The following FRAS1 variants were observed in gnomAD, a reference collection of about 807,000 sequenced individuals.
The protein encoded by FRAS1 is extracellular matrix organizing protein FRAS1.
In FRAS1, 290 loss-of-function variants were observed where a neutral mutation model predicts 435.2. That is an observed-to-expected ratio of 0.67 (90% CI 0.61 to 0.73). The LOEUF is 0.73. FRAS1 is among the 30% of genes least tolerant of loss of function. The pLI is 0.00. For missense variants in FRAS1, 4,860 were observed against 5,001.5 expected, an observed-to-expected ratio of 0.97 and a Z score of 0.85; for synonymous variants, 1,800 against 1,851.0, an observed-to-expected ratio of 0.97 and a Z score of 0.71.
intron 35 of FRAS1, among the ~76,000 whole-genome samples, chr4:78,427,408 A>G (rs1279728503): frequency 1.3e-5 from 2 of 152,204 alleles, no homozygotes; most frequent in African/African-American, 4.8e-5. Context: ...GTTTTCTGTT[A>G]TAAGCAACAA....
intron 2 of FRAS1, among the ~76,000 whole-genome samples, chr4:78,082,852 T>C (rs1032643383): frequency 1.3e-5 from 2 of 152,158 alleles, no homozygotes; most frequent in African/African-American, 4.8e-5. Flanking sequence ...GCCATCTGAT[T>C]TGCAGAAGTA....
At chr4:78,372,949 C>T in intron 24 of FRAS1, 91 bp downstream of exon 24, 1 of 1,393,848 alleles carries the variant, frequency 7.2e-7, no homozygotes, top group Non-Finnish European at 9.6e-7. Flanking sequence ...GGCAAGTTTC[C>T]CCTTCTGGCT....
chr4:78,255,478 A>G, intron 6 of FRAS1, 103 bp downstream of exon 6: 1 of 1,208,440 alleles, frequency 8.3e-7, no homozygotes, highest in Non-Finnish European at 1.1e-6. Context: ...TAGAAACAAG[A>G]AGCAAAGCCC....
chr4:78,206,806 C>T (rs759003651), intron 2 of FRAS1, among the ~76,000 whole-genome samples: 25 of 152,302 alleles, frequency 1.6e-4, no homozygotes, highest in South Asian at 1.5e-3. Context: ...GTCTTGGCCT[C>T]CTGACTTCCA....
At chr4:78,468,588 CTT>C (rs1004136953) in intron 50 of FRAS1, among the ~76,000 whole-genome samples, 1 of 152,312 alleles carries the variant, frequency 6.6e-6, no homozygotes, top group African/African-American at 2.4e-5. Context: ...TCAAGCTTTA[CTT>C]CCTAAAGGAA....
At chr4:78,450,389 C>G (rs1211269487) in intron 45 of FRAS1, 50 bp downstream of exon 45, 2 of 1,441,490 alleles carry the variant, frequency 1.4e-6, no homozygotes, top group Admixed American at 3.3e-5. Flanking sequence ...TGCACCTACA[C>G]TAGTAAAATG....
At chr4:78,463,619 A>T (rs1578339403) in intron 47 of FRAS1, among the ~76,000 whole-genome samples, 1 of 152,242 alleles carries the variant, frequency 6.6e-6, no homozygotes, top group East Asian at 1.9e-4. Flanking sequence ...CCATTATGCA[A>T]TATTTAAAAT....
chr4:78,174,987 AGTAAT>A (rs1162337048), intron 2 of FRAS1, among the ~76,000 whole-genome samples: 1 of 152,228 alleles, frequency 6.6e-6, no homozygotes, highest in African/African-American at 2.4e-5. Context: ...TACTGTATTC[AGTAAT>A]GTGCTGTGAA....
intron 35 of FRAS1, among the ~76,000 whole-genome samples, chr4:78,427,851 C>T (rs950328276): frequency 2.6e-5 from 4 of 152,224 alleles, no homozygotes; most frequent in South Asian, 2.1e-4. Context: ...CATTACTACA[C>T]GTCGCTGAGC....
chr4:78,369,733 G>T, intron 22 of FRAS1, 105 bp from the exon 23 acceptor site: 1 of 977,818 alleles, frequency 1.0e-6, no homozygotes. Context: ...TGTAGAGCAG[G>T]TTGGAACAAG....
chr4:78,276,238 A>G (rs1169062543), intron 9 of FRAS1, among the ~76,000 whole-genome samples: 1 of 152,068 alleles, frequency 6.6e-6, no homozygotes, highest in East Asian at 1.9e-4. Flanking sequence ...CAAGGTTTTT[A>G]TCTTCTTTGC....
At chr4:78,118,862 C>G (rs1444868665) in intron 2 of FRAS1, among the ~76,000 whole-genome samples, 2 of 152,158 alleles carry the variant, frequency 1.3e-5, no homozygotes, top group Non-Finnish European at 2.9e-5. Flanking sequence ...GTGAGATGCA[C>G]CCAGTACCTC....
At chr4:78,385,861 G>A (rs1240402385) in intron 28 of FRAS1, among the ~76,000 whole-genome samples, 1 of 151,318 alleles carries the variant, frequency 6.6e-6, no homozygotes, top group African/African-American at 2.4e-5. Flanking sequence ...CTCCAGCCTG[G>A]GCAACAGAGT....
At chr4:78,086,786 T>A (rs190801230) in intron 2 of FRAS1, among the ~76,000 whole-genome samples, 1 of 152,126 alleles carries the variant, frequency 6.6e-6, no homozygotes, top group Non-Finnish European at 1.5e-5. Flanking sequence ...AATTAATAGC[T>A]TACCAACCAA....
At chr4:78,450,508 A>G (rs13125425) in intron 45 of FRAS1, 169 bp downstream of exon 45, 2 of 600,880 alleles carry the variant, frequency 3.3e-6, no homozygotes, top group East Asian at 5.7e-5. Flanking sequence ...TTTTGTTTTT[A>G]AAAAAGCCCT....
At chr4:78,386,596 T>A (rs869348) in intron 28 of FRAS1, among the ~76,000 whole-genome samples, 36,673 of 152,130 alleles carry the variant, frequency 0.24, 4,803 homozygotes, top group Admixed American at 0.3. Flanking sequence ...AAGTCCTAGA[T>A]GGTTCCACTT....
chr4:78,428,598 C>T (rs1483436532), intron 35 of FRAS1, among the ~76,000 whole-genome samples: 1 of 152,158 alleles, frequency 6.6e-6, no homozygotes, highest in Admixed American at 6.5e-5. Flanking sequence ...GCTGGGATTA[C>T]AGGTGTGAGC....
chr4:78,285,025 A>G (rs144934999), intron 13 of FRAS1, among the ~76,000 whole-genome samples: 2 of 152,252 alleles, frequency 1.3e-5, no homozygotes, highest in East Asian at 1.9e-4. Flanking sequence ...TATCAAACAG[A>G]TAGTTGGTAA....
intron 14 of FRAS1, among the ~76,000 whole-genome samples, chr4:78,290,868 G>A (rs1332102275): frequency 6.9e-6 from 1 of 145,522 alleles, no homozygotes; most frequent in Non-Finnish European, 1.5e-5. Flanking sequence ...CTGGATTCAA[G>A]TGATTCTCCT....
Sources: gnomAD v4.1 joint callset for allele counts (sites outside exome capture counted in the v4.1 genomes callset) on GRCh38, gnomAD v4.1.1 for gene constraint, MANE v1.5 for transcripts, NCBI Gene and HGNC (gene_info 2026-07-23, HGNC 2026-07-21) for gene names.